Variants in DENND5A observed in about 807,000 individuals in gnomAD.
DENND5A encodes the protein DENN domain-containing protein 5A.
Under a neutral mutation model 140.3 loss-of-function variants are expected in DENND5A, and 64 were observed. The ratio of observed to expected loss-of-function variants is 0.46; its 90% CI spans 0.37 to 0.56. The LOEUF is 0.56. DENND5A is among the 20% of genes least tolerant of loss of function. The pLI, the probability that DENND5A is intolerant of heterozygous loss-of-function variation, is 0.00. For synonymous variants in DENND5A, 605 were observed against 607.7 expected, an observed-to-expected ratio of 1.00 and a Z score of 0.07; for missense variants, 1,292 against 1,593.8, an observed-to-expected ratio of 0.81 and a Z score of 3.22.
intron 5 of DENND5A, among the ~76,000 whole-genome samples, chr11:9,183,130 A>C (rs1360473243): frequency 6.6e-6 from 1 of 152,224 alleles, no homozygotes; most frequent in Non-Finnish European, 1.5e-5. Context: ...TTGCAGGTAT[A>C]AATTACAGAA....
chr11:9,147,558 T>C (rs922237751), intron 15 of DENND5A, among the ~76,000 whole-genome samples: 1 of 152,108 alleles, frequency 6.6e-6, no homozygotes, highest in South Asian at 2.1e-4. Flanking sequence ...TCACCATTCA[T>C]CACCAGGCCT....
rs541394216 is a variant in DENND5A, at chr11:9,184,167, A to G, written c.1138-3083T>C. On this transcript the variant is annotated intron_variant, in intron 5 of 22. Transcript: ENST00000328194. Reference sequence around the variant, plus strand: ...GGAGATAGAGACCATCCTAGCCAACATGGTGAAACCCTGTCTCTACTAAAA... The same window carrying G: ...GGAGATAGAGACCATCCTAGCCAACGTGGTGAAACCCTGTCTCTACTAAAA... 2.6e-5 allele frequency among the ~76,000 whole-genome samples: 4 copies of G among 152,220 alleles called. No homozygotes were observed. The East Asian group carries it at 7.7e-4, about 29-fold the overall frequency.
At chr11:9,150,878 A>G (rs1017766223) in intron 13 of DENND5A, 114 bp from the exon 14 acceptor site, 7 of 552,444 alleles carry the variant, frequency 1.3e-5, no homozygotes, top group Non-Finnish European at 1.9e-5. Flanking sequence ...TACACTGGTA[A>G]CACTTTAATT....
chr11:9,206,913 A>G, intron 2 of DENND5A, 131 bp from the exon 3 acceptor site: 1 of 659,016 alleles, frequency 1.5e-6, no homozygotes. Context: ...CAACCATCTA[A>G]GAATAAAAAT....
chr11:9,150,312 A>C (rs1414514109), intron 14 of DENND5A, 103 bp from the exon 15 acceptor site: 1 of 1,378,632 alleles, frequency 7.3e-7, no homozygotes, highest in Non-Finnish European at 1.0e-6. Context: ...AGACAGACTT[A>C]TCTCACCCTG....
chr11:9,221,012 G>A (rs1356764246), intron 1 of DENND5A, among the ~76,000 whole-genome samples: 2 of 151,508 alleles, frequency 1.3e-5, no homozygotes, highest in Non-Finnish European at 2.9e-5. Context: ...AGCCCAGGAG[G>A]CAGAGGTTGC....
chr11:9,180,773 C>A lies in DENND5A; in HGVS notation c.1449G>T (p.Leu483=). Residue 483 remains leucine, a synonymous_variant, in exon 6 of 23, where the codon CTG becomes CTT. Transcript: ENST00000328194. The stretch of plus-strand genomic sequence containing the variant: ...ACTCATATACACATCTTACCTTTTC[C>A]AGGCTCACCCCAGTTCTCTTGACCA... The part of the protein sequence containing the change: ...QALVKRTGVS[L]EKLEVREDPS... The A allele has an allele frequency of 1.2e-6, 2 of 1,613,774 alleles. No individual in the cohort carries two copies. Among genetic ancestry groups the A allele is most frequent in the Non-Finnish European group, 1.7e-6 (2 of 1,179,820 alleles).
In DENND5A at chr11:9,150,068, G is replaced by A. The variant is rs370969726; in HGVS notation, c.2735+13C>T. ...CTGGGAGCCTGCTTCTACTCCTGGC[G>A]GAGCAGCCTTACTTGGTGAGCTCAT... On this transcript the variant is annotated intron_variant, in intron 15 of 22. Transcript: ENST00000328194. 35 of 1,604,100 alleles carry A rather than the reference G, an allele frequency of 2.2e-5. No individual in the cohort carries two copies. The highest frequency in any genetic ancestry group is 1.7e-4 in the Middle Eastern group (1 of 5,936).
intron 1 of DENND5A, among the ~76,000 whole-genome samples, chr11:9,240,357 T>A (rs1032112847): frequency 1.3e-5 from 2 of 152,008 alleles, no homozygotes; most frequent in African/African-American, 4.8e-5. Flanking sequence ...GTTGCACCAT[T>A]GCACTCCACC....
rs79669775 is a variant in DENND5A, at chr11:9,195,791, T to C, written c.950-2110A>G. Reference sequence around the variant, plus strand: ...GATAACTTTACTAGTGTGATAAATATGTATCTATTTGGTCTTTTCCCCGGT... The same window carrying C: ...GATAACTTTACTAGTGTGATAAATACGTATCTATTTGGTCTTTTCCCCGGT... On this transcript the variant is annotated intron_variant, in intron 4 of 22. Coordinates refer to ENST00000328194, the MANE Select transcript of DENND5A (RefSeq NM_015213.4). 4.7e-3 allele frequency among the ~76,000 whole-genome samples: 710 copies of C among 152,254 alleles called. 14 individuals are homozygous for C. The East Asian group carries it at 0.056, about 12-fold the overall frequency.
In DENND5A at chr11:9,231,715, C is replaced by CAAAAAAAAA. The variant is rs71062818; in HGVS notation, c.110-24092_110-24084dup. ...GGGCAACAAGAGCGAAACTCCGTCT[C>CAAAAAAAAA]AAAAAAAAAAAAAAAAAGACTCTGG... On this transcript the variant is annotated intron_variant, in intron 1 of 22. Transcript: ENST00000328194. Among the ~76,000 whole-genome samples the CAAAAAAAAA allele has an allele frequency of 4.1e-3, 327 of 78,946 alleles. 43 individuals carry two copies. The highest frequency in any genetic ancestry group is 0.011 in the African/African-American group (233 of 21,152). 51.8% of individuals were successfully genotyped at this position (78,946 alleles called of 152,430 possible).
At chr11:9,256,183 C>T (rs9804536) in intron 1 of DENND5A, among the ~76,000 whole-genome samples, 5,862 of 152,070 alleles carry the variant, frequency 0.039, 383 homozygotes, top group African/African-American at 0.13. Context: ...AACTGAAGGC[C>T]GGGCACGGTG....
chr11:9,244,518 T>C (rs1457489684), intron 1 of DENND5A, among the ~76,000 whole-genome samples: 1 of 152,024 alleles, frequency 6.6e-6, no homozygotes, highest in Non-Finnish European at 1.5e-5. Flanking sequence ...TACAGGCATG[T>C]GCCACCACGC....
At chr11:9,263,733 TCGGGAGG>T (rs927304511) in intron 1 of DENND5A, among the ~76,000 whole-genome samples, 16 of 146,886 alleles carry the variant, frequency 1.1e-4, no homozygotes, top group African/African-American at 4.0e-4. Context: ...TCCCAGCTAC[TCGGGAGG>T]CTGAGGCAGG....
intron 1 of DENND5A, among the ~76,000 whole-genome samples, chr11:9,254,690 A>G (rs1851870685): frequency 6.6e-6 from 1 of 152,176 alleles, no homozygotes; most frequent in East Asian, 1.9e-4. Context: ...ATCGACTCCC[A>G]GTTTGAAACT....
intron 4 of DENND5A, among the ~76,000 whole-genome samples, chr11:9,196,132 T>C (rs1411223443): frequency 6.6e-6 from 1 of 152,100 alleles, no homozygotes; most frequent in African/African-American, 2.4e-5. Flanking sequence ...TTTGTATTTT[T>C]AGTAGAGAAG....
At chr11:9,253,167 C>A (rs1851803208) in intron 1 of DENND5A, among the ~76,000 whole-genome samples, 1 of 152,062 alleles carries the variant, frequency 6.6e-6, no homozygotes, top group African/African-American at 2.4e-5. Flanking sequence ...CAGGAATTTA[C>A]AAGCTGAGCG....
chr11:9,184,063 G>C (rs1359290261), intron 5 of DENND5A, among the ~76,000 whole-genome samples: 1 of 150,126 alleles, frequency 6.7e-6, no homozygotes, highest in Non-Finnish European at 1.5e-5. Flanking sequence ...AAAAAAAAAA[G>C]ACATTTGGGC....
intron 1 of DENND5A, among the ~76,000 whole-genome samples, chr11:9,213,040 G>C (rs1050022545): frequency 3.9e-5 from 4 of 102,056 alleles, no homozygotes; most frequent in Non-Finnish European, 7.7e-5. Context: ...TTTTACTCTT[G>C]TTGCCCAGGC....
Sources: allele counts gnomAD v4.1 joint callset (sites outside exome capture counted in the v4.1 genomes callset), GRCh38; gene constraint gnomAD v4.1.1; transcripts MANE v1.5; gene names NCBI Gene and HGNC (gene_info 2026-07-23, HGNC 2026-07-21).